The following JUP variants were observed in gnomAD, a reference collection of about 807,000 sequenced individuals.
JUP encodes the protein junction plakoglobin.
Under a neutral mutation model 71.1 loss-of-function variants are expected in JUP, and 28 were observed. The ratio of observed to expected loss-of-function variants is 0.39; its 90% CI spans 0.29 to 0.54. The LOEUF (loss-of-function observed/expected upper bound fraction) is 0.54, where lower values mean the gene tolerates loss of function less well. Ranked by LOEUF, JUP falls within the 20% of genes least tolerant of loss-of-function variation. The pLI is 0.62. For synonymous variants in JUP, 401 were observed against 438.9 expected (o/e 0.91, Z 1.08); for missense variants, 869 against 1,030.1 (o/e 0.84, Z 2.14).
At chr17:41,757,036 G>T (rs947413260) in intron 12 of JUP, among the ~76,000 whole-genome samples, 1 of 152,258 alleles carries the variant, frequency 6.6e-6, no homozygotes, top group African/African-American at 2.4e-5. Context: ...CCAGGGAGGA[G>T]GGTTCCCCAC....
intron 4 of JUP, among the ~76,000 whole-genome samples, 157 bp downstream of exon 4, chr17:41,768,812 C>T (rs1567817568): frequency 1.3e-5 from 2 of 152,196 alleles, no homozygotes; most frequent in African/African-American, 2.4e-5. Context: ...GCCTGTGTTC[C>T]CTGCTGGGCT....
chr17:41,779,996 G>A (rs1555609914), intron 1 of JUP, among the ~76,000 whole-genome samples: 1 of 152,062 alleles, frequency 6.6e-6, no homozygotes, highest in African/African-American at 2.4e-5. Flanking sequence ...TCTCAATCAA[G>A]GAAGAGGAGG....
chr17:41,757,651 G>A lies in JUP; in HGVS notation c.1907C>T (p.Ser636Phe), dbSNP rs1914062783. The A allele has an allele frequency of 1.2e-6, 2 of 1,613,718 alleles. No homozygotes were observed. The highest frequency in any genetic ancestry group is 2.7e-5 in the African/African-American group (2 of 75,030). Residue 636 changes from serine to phenylalanine, a missense_variant, in exon 11 of 14, where the codon TCC becomes TTC. By Grantham distance (155) the Ser-to-Phe change is radical (BLOSUM62 -2). Coordinates refer to ENST00000393931, the MANE Select transcript of JUP (RefSeq NM_002230.4). ...ASAPLMELLH[S>F]RNEGTATYAA... ...CAGCTCACCAGTGCCCTCGTTGCGG[G>A]AGTGCAGCAACTCCATGAGTGGGGC...
intron 1 of JUP, chr17:41,776,040 C>T: frequency 1.0e-6 from 1 of 979,124 alleles, no homozygotes; most frequent in Non-Finnish European, 1.2e-6. Flanking sequence ...CACATCTAGG[C>T]TGGGTTGCAG....
intron 8 of JUP, 102 bp downstream of exon 8, chr17:41,762,881 G>C: frequency 1.1e-6 from 1 of 882,220 alleles, no homozygotes; most frequent in Non-Finnish European, 1.8e-6. Context: ...TCTTATTCGA[G>C]CCACTGTATT....
chr17:41,774,526 G>A (rs894586089), intron 1 of JUP, among the ~76,000 whole-genome samples: 1 of 151,922 alleles, frequency 6.6e-6, no homozygotes, highest in Admixed American at 6.6e-5. Flanking sequence ...TAAAGACCGG[G>A]TTTCCCCATG....
In JUP at chr17:41,763,146, G is replaced by A. The variant is rs1448231248; in HGVS notation, c.1334C>T (p.Ala445Val). The stretch of plus-strand genomic sequence containing the variant: ...CTCCGTGATGTCGTCCTTGTCACCA[G>A]CACGCAGGATGGCATGGATGAGAGC... ...VEALIHAILR[A>V]GDKDDITEPA... Residue 445 changes from alanine to valine, a missense_variant, in exon 8 of 14, where the codon GCT becomes GTT. Ala to Val is a moderately conservative substitution (Grantham distance 64). Transcript: ENST00000393931. 3 of 1,614,132 alleles carry A rather than the reference G, an allele frequency of 1.9e-6. No homozygotes were observed. Among genetic ancestry groups the A allele is most frequent in the South Asian group, 1.1e-5 (1 of 91,090 alleles).
intron 1 of JUP, among the ~76,000 whole-genome samples, chr17:41,781,034 AGCCAGGCGTG>A (rs2047131758): frequency 6.6e-6 from 1 of 152,072 alleles, no homozygotes; most frequent in Non-Finnish European, 1.5e-5. Context: ...CAAAAAAATT[AGCCAGGCGTG>A]GTGGCGGGCG....
rs1371912642 is a variant in JUP at position 41,757,742 on chromosome 17, C to T, written c.1816G>A (p.Gly606Arg). The change falls in exon 11 of 14, where the codon GGG (glycine) becomes AGG (arginine). Residue 606 changes from glycine (G) to arginine (R), a missense_variant. By Grantham distance (125) the Gly-to-Arg change is moderately radical. Transcript: ENST00000393931. ...SVENIQRVAA[G>R]VLCELAQDKE... The stretch of plus-strand genomic sequence containing the variant: ...TCCTGGGCCAGCTCACACAGCACCC[C>T]GGCAGCCACGCGCTGGATGTTCTCC... The T allele has an allele frequency of 3.1e-6, 5 of 1,612,686 alleles. No homozygotes were observed. Among genetic ancestry groups the T allele is most frequent in the Admixed American group, 1.7e-5 (1 of 59,898 alleles).
In JUP at chr17:41,767,495, G is replaced by A. The variant is rs782761197; in HGVS notation, c.793C>T (p.Arg265Cys). Residue 265 changes from arginine to cysteine, a missense_variant, in exon 5 of 14, where the codon CGC becomes TGC. By Grantham distance (180) the Arg-to-Cys change is radical. Coordinates refer to ENST00000393931, the MANE Select transcript of JUP (RefSeq NM_002230.4). ...LYQEGAKMAV[R>C]LADGLQKMVP... Reference sequence around the variant, plus strand: ...ATCTTTTGCAGCCCGTCGGCCAGGCGCACGGCCATCTTGGCGCCCTCCTGG... The same window carrying A: ...ATCTTTTGCAGCCCGTCGGCCAGGCACACGGCCATCTTGGCGCCCTCCTGG... The A allele has an allele frequency of 3.1e-6, 5 of 1,613,296 alleles. No homozygotes were observed. The highest frequency in any genetic ancestry group is 1.3e-5 in the African/African-American group (1 of 74,872).
At chr17:41,762,664 G>T (rs574272796) in intron 8 of JUP, among the ~76,000 whole-genome samples, 1 of 152,138 alleles carries the variant, frequency 6.6e-6, no homozygotes, top group Non-Finnish European at 1.5e-5. Flanking sequence ...GCCTCCCAAA[G>T]TGTTGGGATT....
chr17:41,771,782 C>T lies in JUP; in HGVS notation c.73G>A (p.Gly25Ser). The T allele has an allele frequency of 2.5e-6, 4 of 1,614,014 alleles. No individual in the cohort carries two copies. The highest frequency in any genetic ancestry group is 3.4e-6 in the Non-Finnish European group (4 of 1,179,992). ...EWQQTYTYDS[G>S]IHSGANTCVP... ...CAGGTGTTGGCGCCCGAGTGGATAC[C>T]CGAGTCGTAGGTGTATGTCTGCTGC... Residue 25 changes from glycine (G) to serine (S), a missense_variant, in exon 2 of 14, where the codon GGT (glycine) becomes AGT (serine). Physicochemically the swap from Gly to Ser is moderately conservative, Grantham distance 56 (BLOSUM62 0). Transcript: ENST00000393931.
chr17:41,777,808 AT>A (rs1203886281), intron 1 of JUP, among the ~76,000 whole-genome samples: 1 of 152,066 alleles, frequency 6.6e-6, no homozygotes, highest in African/African-American at 2.4e-5. Flanking sequence ...AATGAAGGGG[AT>A]TTGTAGGAGA....
At chr17:41,776,825 T>C (rs1555608857) in intron 1 of JUP, among the ~76,000 whole-genome samples, 2 of 151,988 alleles carry the variant, frequency 1.3e-5, no homozygotes, top group Non-Finnish European at 2.9e-5. Context: ...GCCAACATAG[T>C]GAAACCCCAT....
intron 12 of JUP, among the ~76,000 whole-genome samples, chr17:41,757,038 G>C (rs1330915154): frequency 6.6e-6 from 1 of 152,120 alleles, no homozygotes; most frequent in Admixed American, 6.5e-5. Flanking sequence ...AGGGAGGAGG[G>C]TTCCCCACTC....
At chr17:41,781,601 C>G (rs2047170347) in intron 1 of JUP, among the ~76,000 whole-genome samples, 1 of 152,228 alleles carries the variant, frequency 6.6e-6, no homozygotes, top group Admixed American at 6.5e-5. Context: ...CCCAGCCACA[C>G]TGCTTGCTTT....
intron 2 of JUP, among the ~76,000 whole-genome samples, chr17:41,769,986 A>G (rs1187741445): frequency 1.3e-5 from 2 of 151,008 alleles, no homozygotes; most frequent in Non-Finnish European, 2.9e-5. Context: ...ACATAACCTG[A>G]CAACGACCCT....
intron 2 of JUP, among the ~76,000 whole-genome samples, 193 bp from the exon 3 acceptor site, chr17:41,769,870 T>C (rs1389766425): frequency 6.6e-6 from 1 of 151,086 alleles, no homozygotes; most frequent in Non-Finnish European, 1.5e-5. Context: ...CAGTAATCTC[T>C]GTAAAATAGG....
chr17:41,771,977 T>A (rs1290379079), intron 1 of JUP, 115 bp from the exon 2 acceptor site: 34 of 940,432 alleles, frequency 3.6e-5, no homozygotes, highest in Non-Finnish European at 5.2e-5. Flanking sequence ...GCCCAGGGAT[T>A]TCAATGAGGA....
Sources: allele counts gnomAD v4.1 joint callset (sites outside exome capture counted in the v4.1 genomes callset), GRCh38; gene constraint gnomAD v4.1.1; transcripts MANE v1.5; gene names NCBI Gene and HGNC (gene_info 2026-07-23, HGNC 2026-07-21).